The following SAE1 variants were observed in gnomAD, a reference collection of about 807,000 sequenced individuals.
The protein encoded by SAE1 is SUMO-activating enzyme subunit 1.
A neutral mutation model predicts 40.6 loss-of-function variants in SAE1; 11 were observed. The observed-to-expected ratio is 0.27, with a 90% CI of 0.17 to 0.45. SAE1 has a LOEUF of 0.45. SAE1 is among the 20% of genes least tolerant of loss of function. The pLI, the probability that SAE1 is intolerant of heterozygous loss-of-function variation, is 1.00. For synonymous variants in SAE1, 155 were observed against 154.3 expected (o/e 1.00, Z -0.03); for missense variants, 373 against 427.3 (o/e 0.87, Z 1.12).
intron 1 of SAE1, among the ~76,000 whole-genome samples, chr19:47,139,586 CTT>C (rs71179299): frequency 1.1e-4 from 14 of 122,782 alleles, no homozygotes; most frequent in Admixed American, 1.7e-4. Context: ...GAATGTGTAT[CTT>C]TTTTTTTTTT....
intron 6 of SAE1, among the ~76,000 whole-genome samples, chr19:47,187,297 C>T (rs557629223): frequency 3.9e-4 from 60 of 152,284 alleles, no homozygotes; most frequent in Admixed American, 2.6e-3. Context: ...CACCCTAGCC[C>T]TCAGATGCAA....
intron 6 of SAE1, among the ~76,000 whole-genome samples, chr19:47,186,176 C>T (rs553429259): frequency 2.0e-5 from 3 of 151,774 alleles, no homozygotes; most frequent in Admixed American, 2.0e-4. Context: ...GGAGGCACAG[C>T]TTGCGGTGAG....
At position 47,209,394 on chromosome 19, in the gene SAE1, T is replaced by C; in HGVS notation, c.*143T>C. 7.0e-7 allele frequency: 1 copy of C among 1,438,600 alleles called. No homozygotes were observed. Among genetic ancestry groups the C allele is most frequent in the Admixed American group, 2.1e-5 (1 of 47,528 alleles). The allele number at this position is 1,438,600 out of a possible 1,614,324, so 89.1% of individuals were successfully genotyped here. A position where few individuals can be genotyped will look rare whatever the true frequency, so the allele number is the denominator to read the frequency against. ...AAAACATTTCCTGCAACGAAGGAGG[T>C]GGTGCCGACGTGCTGCTTCCCATCA... On this transcript the variant is annotated 3_prime_UTR_variant, in exon 9 of 9. Coordinates refer to ENST00000270225, the MANE Select transcript of SAE1 (RefSeq NM_005500.3).
At chr19:47,149,438 T>G (rs772867920) in intron 2 of SAE1, among the ~76,000 whole-genome samples, 4 of 152,142 alleles carry the variant, frequency 2.6e-5, no homozygotes, top group Non-Finnish European at 5.9e-5. Context: ...CCCAAAGTGC[T>G]GGGATTACAG....
At chr19:47,164,171 A>G (rs1469542191) in intron 5 of SAE1, among the ~76,000 whole-genome samples, 5 of 151,374 alleles carry the variant, frequency 3.3e-5, no homozygotes, top group Non-Finnish European at 7.4e-5. Flanking sequence ...TTTTATTTTT[A>G]TTTTTTTATT....
chr19:47,144,631 G>A (rs373631599), intron 2 of SAE1, among the ~76,000 whole-genome samples: 10 of 151,890 alleles, frequency 6.6e-5, no homozygotes, highest in African/African-American at 2.2e-4. Context: ...CCTGGGAGGC[G>A]GAGCTTGCAA....
chr19:47,159,287 T>A (rs1661567104), intron 5 of SAE1, among the ~76,000 whole-genome samples: 3 of 152,174 alleles, frequency 2.0e-5, no homozygotes, highest in Admixed American at 2.0e-4. Flanking sequence ...AGCCTTCTCA[T>A]CCTCTCTTAC....
At chr19:47,183,462 A>ATTAGTAATG (rs1185003831) in intron 6 of SAE1, among the ~76,000 whole-genome samples, 2 of 152,142 alleles carry the variant, frequency 1.3e-5, no homozygotes, top group Non-Finnish European at 2.9e-5. Context: ...TATTAGCATT[A>ATTAGTAATG]CTAATAATAC....
chr19:47,195,150 G>A lies in SAE1; in HGVS notation c.734-2083G>A, dbSNP rs1373672013. Among the ~76,000 whole-genome samples the A allele has an allele frequency of 3.3e-5, 5 of 151,272 alleles. No individual in the cohort carries two copies. The East Asian group carries it at 9.7e-4, about 29-fold the overall frequency. On this transcript the variant is annotated intron_variant, in intron 6 of 8. Transcript: ENST00000270225. ...GCTCACTGCAACCTCTGCCTCCCGG[G>A]TTCAAGCGATTCTCCTGCCTCAGCC...
At chr19:47,200,687 T>C in intron 7 of SAE1, among the ~76,000 whole-genome samples, 1 of 152,196 alleles carries the variant, frequency 6.6e-6, no homozygotes, top group South Asian at 2.1e-4. Flanking sequence ...TAATTTGGAA[T>C]AGCCCTTGGC....
intron 6 of SAE1, among the ~76,000 whole-genome samples, chr19:47,170,503 CTTT>C (rs34836827): frequency 2.4e-5 from 2 of 83,906 alleles, no homozygotes; most frequent in South Asian, 4.7e-4. Context: ...CGCCCCCCGC[CTTT>C]TTTTTTTTTT....
intron 5 of SAE1, 78 bp downstream of exon 5, chr19:47,155,291 G>T (rs1174912260): frequency 8.0e-6 from 8 of 995,904 alleles, no homozygotes; most frequent in Non-Finnish European, 1.3e-5. Context: ...AAAAGGATAA[G>T]AGCAAGCACT....
At chr19:47,181,041 G>A (rs949049975) in intron 6 of SAE1, among the ~76,000 whole-genome samples, 2 of 152,152 alleles carry the variant, frequency 1.3e-5, no homozygotes, top group African/African-American at 2.4e-5. Flanking sequence ...AGAGGCCCCG[G>A]CGTGGTGGCT....
intron 6 of SAE1, among the ~76,000 whole-genome samples, chr19:47,172,777 AAAGAG>A (rs917458888): frequency 6.6e-6 from 1 of 151,664 alleles, no homozygotes; most frequent in African/African-American, 2.4e-5. Context: ...CAAAAAAAAA[AAAGAG>A]AAAAGAAAAA....
intron 5 of SAE1, among the ~76,000 whole-genome samples, chr19:47,166,277 G>A (rs999728629): frequency 1.3e-5 from 2 of 152,120 alleles, no homozygotes; most frequent in East Asian, 1.9e-4. Context: ...AAGTGGGCAC[G>A]GATGGGGGCC....
At chr19:47,208,068 C>T (rs1009397352) in intron 8 of SAE1, among the ~76,000 whole-genome samples, 6 of 152,184 alleles carry the variant, frequency 3.9e-5, no homozygotes, top group Non-Finnish European at 8.8e-5. Flanking sequence ...ACTCTATGTC[C>T]TCATGGAATA....
chr19:47,167,153 C>T (rs1041282484), intron 5 of SAE1, among the ~76,000 whole-genome samples: 2 of 151,918 alleles, frequency 1.3e-5, no homozygotes, highest in African/African-American at 4.8e-5. Context: ...AGGGTTTCAC[C>T]GTGTTGGCCA....
At chr19:47,145,936 GTTTT>G (rs11321351) in intron 2 of SAE1, among the ~76,000 whole-genome samples, 4 of 129,854 alleles carry the variant, frequency 3.1e-5, no homozygotes, top group Admixed American at 7.8e-5. Context: ...CATTCTCAAG[GTTTT>G]TTTTTTTTTT....
intron 1 of SAE1, among the ~76,000 whole-genome samples, chr19:47,137,503 TA>T (rs199923835): frequency 6.6e-6 from 1 of 152,162 alleles, no homozygotes; most frequent in African/African-American, 2.4e-5. Flanking sequence ...CAATTACAAC[TA>T]AAATTTTTTT....
Sources: allele counts gnomAD v4.1 joint callset (sites outside exome capture counted in the v4.1 genomes callset), GRCh38; gene constraint gnomAD v4.1.1; transcripts MANE v1.5; gene names NCBI Gene and HGNC (gene_info 2026-07-23, HGNC 2026-07-21).